Variants in LRP1B observed in about 807,000 individuals in gnomAD.
The protein encoded by LRP1B is LDL receptor related protein 1B.
A neutral mutation model predicts 556.6 loss-of-function variants in LRP1B; 217 were observed. That is an observed-to-expected ratio of 0.39 (90% confidence interval 0.35 to 0.44). The LOEUF (loss-of-function observed/expected upper bound fraction) is 0.44, where lower values mean the gene tolerates loss of function less well. LRP1B is among the 20% of genes least tolerant of loss of function. The pLI is 1.00. For synonymous variants in LRP1B, 2,047 were observed against 1,865.8 expected, an observed-to-expected ratio of 1.10 and a Z score of -2.50; for missense variants, 5,053 against 5,620.8, an observed-to-expected ratio of 0.90 and a Z score of 3.23.
intron 89 of LRP1B, among the ~76,000 whole-genome samples, chr2:140,237,900 A>T (rs931374350): frequency 6.6e-6 from 1 of 150,904 alleles, no homozygotes; most frequent in South Asian, 2.1e-4. Flanking sequence ...AATAAAAAAC[A>T]TATAAAAACA....
At chr2:142,105,980 G>A (rs563213008) in intron 1 of LRP1B, among the ~76,000 whole-genome samples, 4 of 151,956 alleles carry the variant, frequency 2.6e-5, no homozygotes, top group South Asian at 2.1e-4. Flanking sequence ...CTTTTCTTAC[G>A]GCATTTAACA....
intron 81 of LRP1B, 39 bp downstream of exon 81, chr2:140,323,854 T>C (rs2105058705): frequency 2.0e-6 from 2 of 1,018,038 alleles, no homozygotes; most frequent in Non-Finnish European, 2.9e-6. Context: ...AAGAAAATAA[T>C]TTACCAATAT....
At chr2:141,043,517 T>C (rs1244501393) in intron 11 of LRP1B, among the ~76,000 whole-genome samples, 1 of 151,936 alleles carries the variant, frequency 6.6e-6, no homozygotes, top group Non-Finnish European at 1.5e-5. Flanking sequence ...CCCAGTTTAA[T>C]TATAGGATCT....
intron 41 of LRP1B, among the ~76,000 whole-genome samples, chr2:140,688,694 G>C: frequency 6.6e-6 from 1 of 152,154 alleles, no homozygotes; most frequent in Non-Finnish European, 1.5e-5. Context: ...TGAGACATTA[G>C]CAGTTGCTGT....
intron 3 of LRP1B, among the ~76,000 whole-genome samples, chr2:141,410,409 T>C (rs750087757): frequency 2.0e-5 from 3 of 152,030 alleles, no homozygotes; most frequent in Non-Finnish European, 4.4e-5. Context: ...ATACAGTGTT[T>C]TAAAAAGATG....
At chr2:141,289,110 G>A (rs889173105) in intron 3 of LRP1B, among the ~76,000 whole-genome samples, 3 of 151,794 alleles carry the variant, frequency 2.0e-5, no homozygotes, top group African/African-American at 7.3e-5. Flanking sequence ...GCGGCCGGGC[G>A]CGGTGGCTTA....
chr2:141,588,278 T>C lies in LRP1B; in HGVS notation c.206-107745A>G, dbSNP rs542671180. Among the ~76,000 whole-genome samples the C allele has an allele frequency of 2.6e-5, 4 of 152,126 alleles. No individual in the cohort carries two copies. In the East Asian group the frequency reaches 7.7e-4, roughly 29 times the overall value. ...TTTATCATAAGAGTGTGTTGGCTCC[T>C]TGGCAGAGGTAGTTGAAGGCTCCTC... On this transcript the variant is annotated intron_variant, in intron 2 of 90. Transcript: ENST00000389484.
At chr2:140,987,095 T>A (rs72991749) in intron 17 of LRP1B, among the ~76,000 whole-genome samples, 1 of 152,210 alleles carries the variant, frequency 6.6e-6, no homozygotes, top group Non-Finnish European at 1.5e-5. Context: ...CCTATTTATA[T>A]ATTTTGATGA....
At chr2:141,798,435 C>G (rs1223499066) in intron 2 of LRP1B, among the ~76,000 whole-genome samples, 1 of 152,000 alleles carries the variant, frequency 6.6e-6, no homozygotes, top group Non-Finnish European at 1.5e-5. Context: ...AGGTCAGGCA[C>G]GGTGGCTCAC....
rs1178640124 is a variant in LRP1B, at chr2:141,944,001, G to A, written c.83-133600C>T. ...CAGGTTCCCACAGGGGAACAGGAGG[G>A]CCAGGCTCCTCCCCTCTGCAAATGG... is the stretch of plus-strand genomic sequence containing the variant. On this transcript the variant is annotated intron_variant, in intron 1 of 90. Transcript: ENST00000389484. Among the ~76,000 whole-genome samples the A allele has an allele frequency of 2.6e-5, 4 of 152,246 alleles. No individual in the cohort carries two copies. The East Asian group carries it at 5.8e-4, about 22-fold the overall frequency.
intron 1 of LRP1B, among the ~76,000 whole-genome samples, chr2:142,108,268 C>T (rs1225932930): frequency 5.3e-5 from 8 of 151,940 alleles, no homozygotes; most frequent in East Asian, 1.9e-4. Context: ...AGAGCTCTAC[C>T]GTTATGCTAA....
chr2:141,854,463 A>G (rs1216318421), intron 1 of LRP1B, among the ~76,000 whole-genome samples: 3 of 152,094 alleles, frequency 2.0e-5, no homozygotes, highest in African/African-American at 7.2e-5. Context: ...AACACCATAC[A>G]TGAATAACTC....
At chr2:141,858,826 T>C (rs1303564851) in intron 1 of LRP1B, among the ~76,000 whole-genome samples, 2 of 152,146 alleles carry the variant, frequency 1.3e-5, no homozygotes, top group African/African-American at 2.4e-5. Context: ...TCTAAGAGGT[T>C]AAAAGATTTT....
At chr2:140,295,816 T>C (rs1285846430) in intron 84 of LRP1B, among the ~76,000 whole-genome samples, 2 of 152,264 alleles carry the variant, frequency 1.3e-5, no homozygotes, top group South Asian at 2.1e-4. Context: ...AGCAATTTTA[T>C]TGTGAATAAA....
intron 25 of LRP1B, among the ~76,000 whole-genome samples, chr2:140,883,559 GA>G (rs35055775): frequency 0.025 from 3,279 of 131,794 alleles, 112 homozygotes; most frequent in African/African-American, 0.083. Context: ...CCCACATTTA[GA>G]AAAAAAAAAA....
chr2:140,790,833 G>C (rs1220936449), intron 32 of LRP1B, among the ~76,000 whole-genome samples: 1 of 152,154 alleles, frequency 6.6e-6, no homozygotes, highest in African/African-American at 2.4e-5. Flanking sequence ...CAAGGCAATG[G>C]CTCACACCTG....
intron 37 of LRP1B, among the ~76,000 whole-genome samples, chr2:140,714,518 T>C (rs1474068728): frequency 6.6e-6 from 1 of 152,108 alleles, no homozygotes; most frequent in Non-Finnish European, 1.5e-5. Flanking sequence ...AGCAAAAGGC[T>C]TGTTAAATTA....
chr2:140,270,958 A>G (rs1014659623), intron 85 of LRP1B, among the ~76,000 whole-genome samples: 1 of 151,994 alleles, frequency 6.6e-6, no homozygotes, highest in Non-Finnish European at 1.5e-5. Flanking sequence ...CAGTTATGTT[A>G]TAGGAACAAT....
chr2:142,054,964 T>C (rs1407412949), intron 1 of LRP1B, among the ~76,000 whole-genome samples: 2 of 152,174 alleles, frequency 1.3e-5, no homozygotes, highest in Admixed American at 6.5e-5. Flanking sequence ...GTAACTCAAA[T>C]CTTGTCTTTA....
Sources: gnomAD v4.1 joint callset for allele counts (sites outside exome capture counted in the v4.1 genomes callset) on GRCh38, gnomAD v4.1.1 for gene constraint, MANE v1.5 for transcripts, NCBI Gene and HGNC (gene_info 2026-07-23, HGNC 2026-07-21) for gene names.